The following NAV3 variants were observed in gnomAD, a reference collection of about 807,000 sequenced individuals.
NAV3 encodes the protein pore membrane and/or filament interacting like protein 1.
Under a neutral mutation model 244.7 loss-of-function variants are expected in NAV3, and 87 were observed. The observed-to-expected ratio is 0.36, with a 90% CI of 0.30 to 0.42. The LOEUF (loss-of-function observed/expected upper bound fraction) is 0.42. Ranked by LOEUF, NAV3 falls within the 20% of genes least tolerant of loss-of-function variation. The probability of loss-of-function intolerance (pLI) is 1.00; values close to 1 mark genes in which losing one functional copy is unlikely to be tolerated. For missense variants in NAV3, 2,663 were observed against 2,893.3 expected (o/e 0.92, Z 1.83); for synonymous variants, 1,126 against 1,042.2 (o/e 1.08, Z -1.55).
chr12:77,824,890 TCAAAAACAA>T (rs1410468977), intron 2 of NAV3, among the ~76,000 whole-genome samples: 166 of 116,466 alleles, frequency 1.4e-3, no homozygotes, highest in African/African-American at 5.8e-3. Flanking sequence ...AGACTCCGTC[TCAAAAACAA>T]CAACAACAAC....
chr12:78,033,343 A>G (rs896766245), intron 9 of NAV3, among the ~76,000 whole-genome samples: 4 of 152,126 alleles, frequency 2.6e-5, no homozygotes, highest in African/African-American at 9.7e-5. Flanking sequence ...TGTTTACTAA[A>G]GAGCTGAAAA....
At chr12:78,162,939 ATT>A (rs1234259439) in intron 23 of NAV3, among the ~76,000 whole-genome samples, 1 of 126,006 alleles carries the variant, frequency 7.9e-6, no homozygotes, top group African/African-American at 3.0e-5. Context: ...TAAATTACAT[ATT>A]TATAAATATG....
intron 2 of NAV3, among the ~76,000 whole-genome samples, chr12:77,741,810 A>G (rs1342098033): frequency 6.6e-6 from 1 of 152,134 alleles, no homozygotes; most frequent in African/African-American, 2.4e-5. Context: ...TTGTTTTATC[A>G]CTGCTCACTA....
At position 78,008,738 on chromosome 12, in the gene NAV3, C is replaced by T. The variant is rs56020992; in HGVS notation, c.1907+1293C>T. On this transcript the variant is annotated intron_variant, in intron 8 of 39. Transcript: ENST00000397909. ...CAAAACAAAATTATTATAATTATTA[C>T]ATTTAAGCTCTTGGGACATTACAAT... Among the ~76,000 whole-genome samples, 493 of 152,052 alleles carry T rather than the reference C, an allele frequency of 3.2e-3. 2 individuals carry two copies. The highest frequency in any genetic ancestry group is 6.1e-3 in the Non-Finnish European group (412 of 67,998).
At chr12:77,988,587 G>A (rs1306081119) in intron 5 of NAV3, among the ~76,000 whole-genome samples, 1 of 152,068 alleles carries the variant, frequency 6.6e-6, no homozygotes, top group Non-Finnish European at 1.5e-5. Flanking sequence ...TCTTTTAGTA[G>A]GATCCACAAT....
intron 9 of NAV3, chr12:78,036,885 T>C (rs2137025522): frequency 2.9e-6 from 2 of 700,038 alleles, no homozygotes; most frequent in East Asian, 2.7e-5. Flanking sequence ...TGCTGAACTC[T>C]CTGTGTTCCG....
In NAV3 at chr12:78,116,853, C is replaced by G. The variant is rs2138518722; in HGVS notation, c.2718C>G (p.Ser906=). The part of the protein sequence containing the change: ...NISTDDLNTT[S]SVSSYSNITV... ...GCACTGATGACCTGAACACCACATC[C>G]TCTGTCAGCTCTTACTCCAACATCA... The change falls in exon 13 of 40, where the codon TCC becomes TCG. Residue 906 remains serine, a synonymous_variant. Transcript: ENST00000397909. The G allele has an allele frequency of 6.2e-7, 1 of 1,613,522 alleles. No homozygotes were observed. The highest frequency in any genetic ancestry group is 1.3e-5 in the African/African-American group (1 of 74,964).
intron 9 of NAV3, among the ~76,000 whole-genome samples, chr12:78,031,918 T>G (rs796737530): frequency 6.6e-6 from 1 of 150,930 alleles, no homozygotes; most frequent in African/African-American, 2.4e-5. Context: ...AAAAGAGAAG[T>G]GGTCTCTTTT....
intron 34 of NAV3, 80 bp from the exon 35 acceptor site, chr12:78,197,157 AGGACAAAGAG>A: frequency 2.1e-6 from 2 of 941,560 alleles, no homozygotes; most frequent in Non-Finnish European, 2.9e-6. Flanking sequence ...AACGGAATAG[AGGACAAAGAG>A]TGCTATTCCT....
At chr12:77,679,715 C>T (rs74352846) in intron 2 of NAV3, among the ~76,000 whole-genome samples, 1 of 152,068 alleles carries the variant, frequency 6.6e-6, no homozygotes, top group African/African-American at 2.4e-5. Flanking sequence ...GAAACAGCAG[C>T]CTGAGAGGCG....
chr12:77,765,762 G>T (rs763388153), intron 2 of NAV3, among the ~76,000 whole-genome samples: 2 of 152,028 alleles, frequency 1.3e-5, no homozygotes. Context: ...CATGCAGACT[G>T]GGAATAGAAG....
Position 77,817,500 on chromosome 12 carries a change from T to C in NAV3, c.73-122819T>C, listed in dbSNP as rs551972851. Among the ~76,000 whole-genome samples the C allele has an allele frequency of 1.3e-4, 19 of 150,924 alleles. No individual in the cohort carries two copies. In the South Asian group the frequency reaches 3.9e-3, roughly 31 times the overall value. ...GAGTCGTTTGTTGATTAAAATGCTC[T>C]GCCAAGTTCTTCTAGTGATTCCGTC... On this transcript the variant is annotated intron_variant, in intron 2 of 8. Transcript: ENST00000550042.
chr12:78,171,601 A>G (rs1469156453), intron 24 of NAV3, among the ~76,000 whole-genome samples: 1 of 151,664 alleles, frequency 6.6e-6, no homozygotes, highest in Non-Finnish European at 1.5e-5. Flanking sequence ...CTGTAATATT[A>G]AAACTCAGCA....
intron 2 of NAV3, among the ~76,000 whole-genome samples, chr12:77,654,379 C>G (rs979567800): frequency 6.6e-6 from 1 of 152,218 alleles, no homozygotes; most frequent in Non-Finnish European, 1.5e-5. Flanking sequence ...GATCAAACTG[C>G]AAGGCGGCAG....
rs2139650658 is a variant in NAV3, at chr12:78,175,395, G to A, written c.5071G>A (p.Ala1691Thr). 6.2e-7 allele frequency: 1 copy of A among 1,611,260 alleles called. No homozygotes were observed. The highest frequency in any genetic ancestry group is 8.5e-7 in the Non-Finnish European group (1 of 1,178,212). ...TTCCAGTATTGGCAGTGGTAATGAT[G>A]CCGACTCCAAGAAGAAGAAAAAGAA... ...SHSSIGSGND[A>T]DSKKKKKKNW... Residue 1691 changes from alanine to threonine, a missense_variant, in exon 25 of 40, where the codon GCC (alanine) becomes ACC (threonine). Physicochemically the swap from Ala to Thr is moderately conservative, Grantham distance 58. Transcript: ENST00000397909.
chr12:77,692,013 TTA>T (rs1308261184), intron 2 of NAV3, among the ~76,000 whole-genome samples: 1 of 151,964 alleles, frequency 6.6e-6, no homozygotes, highest in Non-Finnish European at 1.5e-5. Flanking sequence ...AGCAATGACA[TTA>T]TATGTTTATC....
At chr12:78,065,003 G>GA (rs1281608102) in intron 12 of NAV3, among the ~76,000 whole-genome samples, 1 of 152,006 alleles carries the variant, frequency 6.6e-6, no homozygotes, top group Non-Finnish European at 1.5e-5. Context: ...AAGATCAATA[G>GA]ATACAGTTAA....
chr12:78,115,317 C>T (rs1232207506), intron 12 of NAV3, among the ~76,000 whole-genome samples: 1 of 152,142 alleles, frequency 6.6e-6, no homozygotes, highest in East Asian at 1.9e-4. Flanking sequence ...GTGCCCCACT[C>T]CTGGCACCAA....
Position 78,146,308 on chromosome 12 carries a change from CT to C in NAV3, c.4684-59del, listed in dbSNP as rs1395454144. On this transcript the variant is annotated intron_variant, in intron 20 of 39. Transcript: ENST00000397909. The stretch of plus-strand genomic sequence containing the variant: ...ATCATGATTATTGTATTCATTTATA[CT>C]TGTGGAATTAATTGAAAATAGTTTT... 3 of 677,378 alleles carry C rather than the reference CT, an allele frequency of 4.4e-6. No individual in the cohort carries two copies. In the East Asian group the frequency reaches 9.5e-5, roughly 21 times the overall value. 42.0% of individuals were successfully genotyped at this position (677,378 alleles called of 1,614,324 possible). A position where few individuals can be genotyped will look rare whatever the true frequency, so the allele number is the denominator to read the frequency against.
Sources: allele counts gnomAD v4.1 joint callset (sites outside exome capture counted in the v4.1 genomes callset), GRCh38; gene constraint gnomAD v4.1.1; transcripts MANE v1.5; gene names NCBI Gene and HGNC (gene_info 2026-07-23, HGNC 2026-07-21).